Variants in ATP8A2 observed in about 807,000 individuals in gnomAD.
ATP8A2 encodes the protein phospholipid-transporting ATPase IB.
Under a neutral mutation model 165.6 loss-of-function variants are expected in ATP8A2, and 100 were observed. The observed-to-expected ratio is 0.60, with a 90% CI of 0.51 to 0.71. ATP8A2 has a LOEUF of 0.71. ATP8A2 is among the 30% of genes least tolerant of loss of function. The pLI, the probability that ATP8A2 is intolerant of heterozygous loss-of-function variation, is 0.00. For missense variants in ATP8A2, 1,227 were observed against 1,479.5 expected (o/e 0.83, Z 2.80); for synonymous variants, 543 against 548.8 (o/e 0.99, Z 0.15).
At position 25,548,709 on chromosome 13, in the gene ATP8A2, G is replaced by A. The variant is rs144621102; in HGVS notation, c.892-2629G>A. The stretch of plus-strand genomic sequence containing the variant: ...TAGACTCCTGAGGATTTTTAAGTCC[G>A]TAAAGGATGAATAATTTAGACAAAT... On this transcript the variant is annotated intron_variant, in intron 10 of 36. Coordinates refer to ENST00000381655, the MANE Select transcript of ATP8A2 (RefSeq NM_016529.6). 5.1e-3 allele frequency among the ~76,000 whole-genome samples: 782 copies of A among 152,198 alleles called. 5 individuals carry two copies. The highest frequency in any genetic ancestry group is 0.018 in the African/African-American group (758 of 41,530).
chr13:25,651,313 T>C (rs1249709456), intron 24 of ATP8A2, among the ~76,000 whole-genome samples: 1 of 151,888 alleles, frequency 6.6e-6, no homozygotes, highest in Non-Finnish European at 1.5e-5. Context: ...CGTGGTGGCG[T>C]ATGCTTGTAG....
intron 27 of ATP8A2, among the ~76,000 whole-genome samples, chr13:25,795,611 CTT>C (rs1566146468): frequency 6.6e-6 from 1 of 152,204 alleles, no homozygotes; most frequent in East Asian, 1.9e-4. Context: ...TTTTCCCCCT[CTT>C]TGGGTTATAG....
At chr13:25,445,843 C>G (rs573284274) in intron 1 of ATP8A2, among the ~76,000 whole-genome samples, 111 of 152,132 alleles carry the variant, frequency 7.3e-4, no homozygotes, top group African/African-American at 2.3e-3. Flanking sequence ...GATGAGAACC[C>G]AGTGGTGGTC....
intron 24 of ATP8A2, among the ~76,000 whole-genome samples, chr13:25,661,132 T>C (rs1026897334): frequency 2.6e-5 from 4 of 152,156 alleles, no homozygotes; most frequent in Non-Finnish European, 4.4e-5. Context: ...GATTCCTCTA[T>C]TGGAATGCAG....
intron 1 of ATP8A2, among the ~76,000 whole-genome samples, chr13:25,402,790 G>C (rs559069753): frequency 6.6e-6 from 1 of 152,314 alleles, no homozygotes; most frequent in East Asian, 1.9e-4. Flanking sequence ...CCCTGTCTTA[G>C]TCTGGTTGGG....
chr13:25,884,421 G>A (rs899284384), intron 33 of ATP8A2, among the ~76,000 whole-genome samples: 4 of 152,128 alleles, frequency 2.6e-5, no homozygotes, highest in Admixed American at 6.5e-5. Flanking sequence ...GGATAAAGCA[G>A]ATCCCCCGCT....
At chr13:25,836,655 T>G (rs1175626392) in intron 28 of ATP8A2, among the ~76,000 whole-genome samples, 1 of 152,206 alleles carries the variant, frequency 6.6e-6, no homozygotes, top group Non-Finnish European at 1.5e-5. Context: ...CTTTCCTTCT[T>G]TCTTCTGTTT....
chr13:25,905,226 C>T (rs12877472), intron 33 of ATP8A2, among the ~76,000 whole-genome samples: 19,160 of 152,166 alleles, frequency 0.13, 1,438 homozygotes, highest in Non-Finnish European at 0.18. Flanking sequence ...CAGATAACCT[C>T]CTTAGGTACT....
At chr13:25,400,410 T>G (rs1162484313) in intron 1 of ATP8A2, among the ~76,000 whole-genome samples, 2 of 152,240 alleles carry the variant, frequency 1.3e-5, no homozygotes, top group Non-Finnish European at 2.9e-5. Context: ...TATATATTTA[T>G]GGGGTACATG....
chr13:25,622,753 G>A (rs1365993821), intron 24 of ATP8A2, among the ~76,000 whole-genome samples: 1 of 152,036 alleles, frequency 6.6e-6, no homozygotes, highest in Non-Finnish European at 1.5e-5. Flanking sequence ...TGATACTTGG[G>A]TCCCATCCCC....
In ATP8A2 at chr13:25,975,538, C is replaced by T. The variant is rs547582481; in HGVS notation, c.3377+6859C>T. Among the ~76,000 whole-genome samples the T allele has an allele frequency of 7.2e-5, 11 of 151,788 alleles. No individual in the cohort carries two copies. In the South Asian group the frequency reaches 2.3e-3, roughly 32 times the overall value. ...CGGAGCTTGCGGTGAGCCGAGATCG[C>T]GCCACTGCACTCCAGCCTGGGGGAC... On this transcript the variant is annotated intron_variant, in intron 35 of 36. Transcript: ENST00000381655.
At chr13:25,866,206 C>T (rs1009236349) in intron 33 of ATP8A2, among the ~76,000 whole-genome samples, 7 of 152,262 alleles carry the variant, frequency 4.6e-5, no homozygotes, top group African/African-American at 1.2e-4. Flanking sequence ...TTCAAAAGTC[C>T]GGAGACCTGG....
intron 27 of ATP8A2, among the ~76,000 whole-genome samples, chr13:25,809,908 C>G (rs945799483): frequency 6.6e-6 from 1 of 152,056 alleles, no homozygotes; most frequent in Non-Finnish European, 1.5e-5. Context: ...CCTGGGGCAT[C>G]GGAGAAGACA....
chr13:25,954,213 C>A (rs1056439054), intron 33 of ATP8A2, among the ~76,000 whole-genome samples: 4 of 152,154 alleles, frequency 2.6e-5, no homozygotes, highest in Non-Finnish European at 4.4e-5. Context: ...AGGTGGTTTT[C>A]CCCTCACAGT....
chr13:25,668,862 CAATTT>C (rs1418000851), intron 24 of ATP8A2, among the ~76,000 whole-genome samples: 1 of 152,132 alleles, frequency 6.6e-6, no homozygotes, highest in Non-Finnish European at 1.5e-5. Context: ...TTAAACTTTT[CAATTT>C]AAGAATTTCT....
chr13:25,744,210 A>G (rs1322339250), intron 25 of ATP8A2, among the ~76,000 whole-genome samples: 3 of 152,042 alleles, frequency 2.0e-5, no homozygotes, highest in African/African-American at 7.3e-5. Flanking sequence ...AGTGCAGTGG[A>G]TTTTACTTAC....
intron 22 of ATP8A2, among the ~76,000 whole-genome samples, chr13:25,580,461 C>T (rs2039743169): frequency 6.6e-6 from 1 of 152,130 alleles, no homozygotes; most frequent in African/African-American, 2.4e-5. Flanking sequence ...AGTGTGGGAG[C>T]TGGGTTTCAG....
chr13:25,936,019 A>G (rs1954878654), intron 33 of ATP8A2, among the ~76,000 whole-genome samples: 1 of 152,208 alleles, frequency 6.6e-6, no homozygotes, highest in Non-Finnish European at 1.5e-5. Context: ...ATCCTCAGTC[A>G]AAAGATGGGA....
At chr13:25,722,438 G>A (rs1393719226) in intron 25 of ATP8A2, among the ~76,000 whole-genome samples, 2 of 152,292 alleles carry the variant, frequency 1.3e-5, no homozygotes, top group South Asian at 4.1e-4. Flanking sequence ...GGGGTTACAG[G>A]TACCCCATTA....
Sources: gnomAD v4.1 joint callset for allele counts (sites outside exome capture counted in the v4.1 genomes callset) on GRCh38, gnomAD v4.1.1 for gene constraint, MANE v1.5 for transcripts, NCBI Gene and HGNC (gene_info 2026-07-23, HGNC 2026-07-21) for gene names.